GRIK2: variants seen among roughly 807,000 people sequenced by gnomAD.
GRIK2 encodes glutamate ionotropic receptor kainate type subunit 2.
A neutral mutation model predicts 100.3 loss-of-function variants in GRIK2; 32 were observed. That is an observed-to-expected ratio of 0.32 (90% confidence interval 0.24 to 0.43). GRIK2 has a LOEUF of 0.43. Ranked by LOEUF, GRIK2 falls within the 20% of genes least tolerant of loss-of-function variation. The probability of loss-of-function intolerance (pLI) is 1.00; values close to 1 mark genes in which losing one functional copy is unlikely to be tolerated. For synonymous variants in GRIK2, 417 were observed against 389.4 expected (o/e 1.07, Z -0.83); for missense variants, 843 against 1,114.9 (o/e 0.76, Z 3.47).
intron 10 of GRIK2, among the ~76,000 whole-genome samples, chr6:101,858,376 ATTTTTTTTTCTTTTTT>A (rs1363578656): frequency 2.4e-5 from 3 of 125,468 alleles, no homozygotes; most frequent in Non-Finnish European, 4.8e-5. Flanking sequence ...CTCTCTCTCT[ATTTTTTTTTCTTTTTT>A]TTTTTTTTTT....
intron 7 of GRIK2, among the ~76,000 whole-genome samples, chr6:101,703,320 G>A (rs1160618352): frequency 6.6e-6 from 1 of 151,832 alleles, no homozygotes; most frequent in Non-Finnish European, 1.5e-5. Context: ...TTGAAGATGT[G>A]CAGTAAGGTA....
At chr6:101,684,853 T>C (rs2128343304) in intron 6 of GRIK2, among the ~76,000 whole-genome samples, 1 of 152,206 alleles carries the variant, frequency 6.6e-6, no homozygotes. Context: ...GAGATTCTTC[T>C]TGACCTCCAG....
intron 14 of GRIK2, among the ~76,000 whole-genome samples, chr6:102,032,372 G>A (rs955318293): frequency 1.3e-5 from 2 of 151,120 alleles, no homozygotes; most frequent in Non-Finnish European, 3.0e-5. Flanking sequence ...AATTATCTAC[G>A]AGAGGGGAGG....
intron 11 of GRIK2, among the ~76,000 whole-genome samples, chr6:101,875,747 C>A (rs1010687281): frequency 5.9e-5 from 9 of 151,684 alleles, no homozygotes; most frequent in African/African-American, 1.9e-4. Context: ...TTTTAACCAG[C>A]AAAGTTAACA....
At chr6:101,873,597 T>C (rs1198727734) in intron 11 of GRIK2, among the ~76,000 whole-genome samples, 1 of 152,078 alleles carries the variant, frequency 6.6e-6, no homozygotes, top group African/African-American at 2.4e-5. Context: ...TTATAATCCT[T>C]TGGGTATATA....
intron 2 of GRIK2, among the ~76,000 whole-genome samples, chr6:101,584,912 C>G (rs1778280349): frequency 6.6e-6 from 1 of 151,812 alleles, no homozygotes; most frequent in Non-Finnish European, 1.5e-5. Flanking sequence ...AGTTACATCA[C>G]CACTTACTGA....
At chr6:101,960,572 C>G (rs1474992845) in intron 14 of GRIK2, among the ~76,000 whole-genome samples, 1 of 151,830 alleles carries the variant, frequency 6.6e-6, no homozygotes. Context: ...ATTCTGGGTG[C>G]TTTCAGGGGC....
intron 14 of GRIK2, among the ~76,000 whole-genome samples, chr6:102,006,154 T>C (rs1795210915): frequency 6.6e-6 from 1 of 151,816 alleles, no homozygotes; most frequent in African/African-American, 2.4e-5. Context: ...CACCAAGAAT[T>C]CTGCTCAGTA....
At position 101,586,879 on chromosome 6, in the gene GRIK2, GTC is replaced by G. The variant is rs138988803; in HGVS notation, c.116-35066_116-35065del. ...CACTATAGTCTGGGCAAAAGAGCAA[GTC>G]TCTGTCTTAACAAAAAAAAAAAAAA... On this transcript the variant is annotated intron_variant, in intron 2 of 16. Transcript: ENST00000369134. 8.4e-3 allele frequency among the ~76,000 whole-genome samples: 949 copies of G among 112,648 alleles called. 12 individuals carry two copies. Among genetic ancestry groups the G allele is most frequent in the African/African-American group, 0.033 (902 of 27,338 alleles). The allele number at this position is 112,648 out of a possible 152,430, so 73.9% of individuals were successfully genotyped here.
chr6:102,018,689 T>A (rs925448662), intron 14 of GRIK2, among the ~76,000 whole-genome samples: 5 of 152,106 alleles, frequency 3.3e-5, no homozygotes, highest in South Asian at 2.1e-4. Context: ...GACAGCAGTT[T>A]GCCCTGTGAC....
chr6:101,416,525 T>G (rs1162898891), intron 2 of GRIK2, among the ~76,000 whole-genome samples: 1 of 152,214 alleles, frequency 6.6e-6, no homozygotes, highest in Non-Finnish European at 1.5e-5. Flanking sequence ...TCATCTCTGA[T>G]GCTTAATTAT....
At chr6:101,430,007 C>G (rs1251192616) in intron 2 of GRIK2, among the ~76,000 whole-genome samples, 1 of 152,178 alleles carries the variant, frequency 6.6e-6, no homozygotes, top group African/African-American at 2.4e-5. Context: ...ACAGAAACAA[C>G]TGGTTCAGGA....
chr6:101,453,468 T>C (rs1014353190), intron 2 of GRIK2, among the ~76,000 whole-genome samples: 4 of 152,020 alleles, frequency 2.6e-5, no homozygotes. Context: ...TAAATATTCA[T>C]GTTATGCTCT....
intron 7 of GRIK2, among the ~76,000 whole-genome samples, chr6:101,697,602 C>T (rs1344004878): frequency 6.6e-6 from 1 of 151,864 alleles, no homozygotes; most frequent in Non-Finnish European, 1.5e-5. Flanking sequence ...AAAAAGATGG[C>T]TTGTTGGACA....
intron 4 of GRIK2, among the ~76,000 whole-genome samples, chr6:101,644,590 A>G (rs1781434280): frequency 6.6e-6 from 1 of 151,878 alleles, no homozygotes; most frequent in African/African-American, 2.4e-5. Flanking sequence ...TTGGAGGCAT[A>G]AATAGGTTCC....
chr6:101,702,911 T>C (rs1164313573), intron 7 of GRIK2, among the ~76,000 whole-genome samples: 1 of 151,826 alleles, frequency 6.6e-6, no homozygotes, highest in Non-Finnish European at 1.5e-5. Flanking sequence ...CACTGATAGG[T>C]TGCCTTTCTT....
intron 12 of GRIK2, among the ~76,000 whole-genome samples, chr6:101,913,762 T>C (rs1225154409): frequency 6.6e-6 from 1 of 151,304 alleles, no homozygotes; most frequent in African/African-American, 2.4e-5. Flanking sequence ...AGTAAAGAGA[T>C]CTTAATATGA....
intron 2 of GRIK2, among the ~76,000 whole-genome samples, chr6:101,557,320 C>A (rs1776795721): frequency 6.6e-6 from 1 of 151,990 alleles, no homozygotes; most frequent in East Asian, 1.9e-4. Flanking sequence ...TTGTTTATTG[C>A]AAAGATAAAG....
At chr6:101,451,686 T>G (rs1313706899) in intron 2 of GRIK2, among the ~76,000 whole-genome samples, 1 of 91,904 alleles carries the variant, frequency 1.1e-5, no homozygotes, top group African/African-American at 4.7e-5. Context: ...AGCCCATTAT[T>G]TATCTCTGAG....
Sources: allele counts gnomAD v4.1 joint callset (sites outside exome capture counted in the v4.1 genomes callset), GRCh38; gene constraint gnomAD v4.1.1; transcripts MANE v1.5; gene names NCBI Gene and HGNC (gene_info 2026-07-23, HGNC 2026-07-21).